COL8A1: variants seen among roughly 807,000 people sequenced by gnomAD.
COL8A1 encodes the protein collagen type VIII alpha 1 chain, also known as collagen alpha-1(VIII) chain.
Under a neutral mutation model 42.7 loss-of-function variants are expected in COL8A1, and 21 were observed. The ratio of observed to expected loss-of-function variants is 0.49; its 90% CI spans 0.35 to 0.71. The LOEUF (loss-of-function observed/expected upper bound fraction) is 0.71, where lower values mean the gene tolerates loss of function less well. Among genes scored for constraint, COL8A1 ranks in the 30% least tolerant of loss-of-function variants. The pLI is 0.01. For missense variants in COL8A1, 788 were observed against 962.4 expected, an observed-to-expected ratio of 0.82 and a Z score of 2.40; for synonymous variants, 367 against 369.1, an observed-to-expected ratio of 0.99 and a Z score of 0.06.
chr3:99,724,236 T>G (rs1305622565), intron 1 of COL8A1, among the ~76,000 whole-genome samples: 1 of 152,102 alleles, frequency 6.6e-6, no homozygotes, highest in African/African-American at 2.4e-5. Flanking sequence ...ATATGTCACA[T>G]ACCAAGGTGA....
chr3:99,753,886 C>T (rs1202861181), intron 2 of COL8A1, among the ~76,000 whole-genome samples: 2 of 152,100 alleles, frequency 1.3e-5, no homozygotes, highest in Non-Finnish European at 2.9e-5. Flanking sequence ...ATGTACAAAG[C>T]AATGAAAAGA....
chr3:99,673,933 A>C (rs1938616973), intron 1 of COL8A1, among the ~76,000 whole-genome samples: 1 of 152,070 alleles, frequency 6.6e-6, no homozygotes, highest in South Asian at 2.1e-4. Context: ...AAGTTATTAC[A>C]CATAACGCAT....
intron 1 of COL8A1, among the ~76,000 whole-genome samples, chr3:99,708,815 G>T (rs1399111990): frequency 6.6e-6 from 1 of 152,138 alleles, no homozygotes; most frequent in Non-Finnish European, 1.5e-5. Flanking sequence ...AGTGGGAATA[G>T]TCTGAGGGTG....
chr3:99,781,411 A>C (rs1234182490), intron 2 of COL8A1, among the ~76,000 whole-genome samples: 1 of 152,178 alleles, frequency 6.6e-6, no homozygotes, highest in Non-Finnish European at 1.5e-5. Context: ...GTAAGATAGA[A>C]ACTTAACTTT....
chr3:99,777,040 G>A (rs1257437270), intron 2 of COL8A1, among the ~76,000 whole-genome samples: 1 of 152,168 alleles, frequency 6.6e-6, no homozygotes, highest in Admixed American at 6.6e-5. Flanking sequence ...ACCACAACCT[G>A]TTTTATCAGC....
intron 3 of COL8A1, among the ~76,000 whole-genome samples, chr3:99,793,736 TTTTC>T (rs559015851): frequency 1.5e-3 from 233 of 152,270 alleles, no homozygotes; most frequent in African/African-American, 5.2e-3. Context: ...TCAGCTTGAT[TTTTC>T]TTTCTTATTT....
chr3:99,758,161 G>A (rs1293467285), intron 2 of COL8A1, among the ~76,000 whole-genome samples: 1 of 152,136 alleles, frequency 6.6e-6, no homozygotes, highest in Non-Finnish European at 1.5e-5. Flanking sequence ...CCCAAAGGAG[G>A]AATTTCAGTT....
chr3:99,690,683 C>A (rs1488060312), intron 1 of COL8A1, among the ~76,000 whole-genome samples: 1 of 152,200 alleles, frequency 6.6e-6, no homozygotes, highest in East Asian at 1.9e-4. Context: ...AATTAACTTT[C>A]ATTTTATCTT....
intron 1 of COL8A1, among the ~76,000 whole-genome samples, chr3:99,709,086 CTCTT>C (rs1939763024): frequency 7.4e-6 from 1 of 135,154 alleles, no homozygotes; most frequent in Admixed American, 8.8e-5. Flanking sequence ...GCCCTTTTTG[CTCTT>C]TCTGTCTGCC....
At chr3:99,714,441 C>G (rs1250691876) in intron 1 of COL8A1, among the ~76,000 whole-genome samples, 1 of 152,080 alleles carries the variant, frequency 6.6e-6, no homozygotes, top group African/African-American at 2.4e-5. Flanking sequence ...ACTCATGGAG[C>G]TCTTGATTTA....
rs547590283 is a variant in COL8A1 at position 99,682,641 on chromosome 3, A to C, written c.-129+43977A>C. On this transcript the variant is annotated intron_variant, in intron 1 of 3. Transcript: ENST00000652472. ...AAAAAAAAAAAAAAGAAGTGCCTTAAGTGGTTTAGAGTTGTAGAAAGATCA... is the reference window on the plus strand; with the variant it reads ...AAAAAAAAAAAAAAGAAGTGCCTTACGTGGTTTAGAGTTGTAGAAAGATCA... 8.6e-5 allele frequency among the ~76,000 whole-genome samples: 13 copies of C among 151,620 alleles called. No homozygotes were observed. The South Asian group carries it at 1.9e-3, about 22-fold the overall frequency.
chr3:99,670,222 T>C (rs1458269174), intron 1 of COL8A1, among the ~76,000 whole-genome samples: 1 of 152,064 alleles, frequency 6.6e-6, no homozygotes. Flanking sequence ...AGAACCATTA[T>C]GGGAAGTTTT....
intron 1 of COL8A1, among the ~76,000 whole-genome samples, chr3:99,651,529 T>C (rs1255221312): frequency 6.6e-6 from 1 of 152,258 alleles, no homozygotes; most frequent in Non-Finnish European, 1.5e-5. Context: ...GACAATGATG[T>C]GCCCCTGGCA....
chr3:99,732,377 G>C (rs1298713579), intron 1 of COL8A1, among the ~76,000 whole-genome samples: 1 of 152,102 alleles, frequency 6.6e-6, no homozygotes, highest in African/African-American at 2.4e-5. Flanking sequence ...TTGATTCACA[G>C]TTCAGCATGG....
chr3:99,752,512 A>G (rs1237254109), intron 2 of COL8A1, among the ~76,000 whole-genome samples: 1 of 151,836 alleles, frequency 6.6e-6, no homozygotes, highest in East Asian at 1.9e-4. Flanking sequence ...CCCTATCCTG[A>G]CTTCTATATC....
intron 1 of COL8A1, among the ~76,000 whole-genome samples, chr3:99,661,059 G>A (rs986183221): frequency 1.3e-5 from 2 of 152,154 alleles, no homozygotes; most frequent in African/African-American, 4.8e-5. Context: ...ACCCTAAGAA[G>A]CTATCCTTCT....
intron 1 of COL8A1, chr3:99,679,387 A>G (rs1938798333): frequency 6.6e-6 from 1 of 152,112 alleles, no homozygotes; most frequent in African/African-American, 2.4e-5. Flanking sequence ...GGATCTCATT[A>G]CTGTTTGCTC....
At chr3:99,669,168 G>C (rs993656758) in intron 1 of COL8A1, among the ~76,000 whole-genome samples, 10 of 146,378 alleles carry the variant, frequency 6.8e-5, no homozygotes, top group African/African-American at 2.5e-4. Flanking sequence ...GAGAGAGAGA[G>C]AGAGAGAGAG....
chr3:99,779,572 G>C (rs138390742), intron 2 of COL8A1, among the ~76,000 whole-genome samples: 5 of 152,312 alleles, frequency 3.3e-5, no homozygotes, highest in African/African-American at 1.2e-4. Flanking sequence ...AGTTTTCTGG[G>C]GGAAAGGGAG....
Sources: gnomAD v4.1 joint callset for allele counts (sites outside exome capture counted in the v4.1 genomes callset) on GRCh38, gnomAD v4.1.1 for gene constraint, MANE v1.5 for transcripts, NCBI Gene and HGNC (gene_info 2026-07-23, HGNC 2026-07-21) for gene names.